The following RFC2 variants were observed in gnomAD, a reference collection of about 807,000 sequenced individuals.
The protein encoded by RFC2 is A1 40 kDa subunit.
Under a neutral mutation model 44.8 loss-of-function variants are expected in RFC2, and 34 were observed. That is an observed-to-expected ratio of 0.76 (90% CI 0.58 to 1.01). The LOEUF (loss-of-function observed/expected upper bound fraction) is 1.01, where lower values mean the gene tolerates loss of function less well. RFC2 is among the 50% of genes least tolerant of loss of function. RFC2 has a pLI of 0.00. For missense variants in RFC2, 400 were observed against 453.6 expected (o/e 0.88, Z 1.07); for synonymous variants, 177 against 168.9 (o/e 1.05, Z -0.37).
intron 5 of RFC2, among the ~76,000 whole-genome samples, chr7:74,244,176 G>C (rs1803480444): frequency 6.6e-6 from 1 of 151,394 alleles, no homozygotes; most frequent in African/African-American, 2.4e-5. Flanking sequence ...GCTGAGGCAG[G>C]AGAATCACTT....
chr7:74,233,812 T>C (rs1403793025), intron 10 of RFC2: 13 of 456,426 alleles, frequency 2.8e-5, no homozygotes, highest in Non-Finnish European at 4.4e-5. Flanking sequence ...GAGCACTCCA[T>C]GTGGTGGCTA....
In RFC2 at chr7:74,252,442, A is replaced by G. The variant is rs781795840; in HGVS notation, c.170T>C (p.Val57Ala). The change falls in exon 2 of 11, where the codon GTG (valine) becomes GCG (alanine). Residue 57 changes from valine (V) to alanine (A), a missense_variant. By Grantham distance (64) the Val-to-Ala change is moderately conservative. Transcript: ENST00000055077. Reference sequence around the variant, plus strand: ...AAAGCCACTCACCTCTAGCCTGCTCACGGTGTCTTCATTCCCGACAATTTC... The same window carrying G: ...AAAGCCACTCACCTCTAGCCTGCTCGCGGTGTCTTCATTCCCGACAATTTC... ...LNEIVGNEDTVSRLEVFAREG... is the reference protein window; with the variant it reads ...LNEIVGNEDTASRLEVFAREG... 6.2e-7 allele frequency: 1 copy of G among 1,600,840 alleles called. No individual in the cohort carries two copies. Among genetic ancestry groups the G allele is most frequent in the East Asian group, 2.2e-5 (1 of 44,768 alleles).
Position 74,254,367 on chromosome 7 carries a change from A to G in RFC2, c.17T>C (p.Val6Ala). 6.2e-7 allele frequency: 1 copy of G among 1,606,248 alleles called. No individual in the cohort carries two copies. The highest frequency in any genetic ancestry group is 8.5e-7 in the Non-Finnish European group (1 of 1,176,418). Reference sequence around the variant, plus strand: ...CTCCACCTCGCCCGCGCCACCACAGACGGCCTCCACCTCCATTCTCGCGCC... The same window carrying G: ...CTCCACCTCGCCCGCGCCACCACAGGCGGCCTCCACCTCCATTCTCGCGCC... Reference protein sequence around the residue: MEVEAVCGGAGEVEAQ... With the variant: MEVEAACGGAGEVEAQ... The change falls in exon 1 of 11, where the codon GTC (valine) becomes GCC (alanine). Residue 6 changes from valine (V) to alanine (A), a missense_variant. Coordinates refer to ENST00000055077, the MANE Select transcript of RFC2 (RefSeq NM_181471.3).
chr7:74,251,004 C>G (rs1349045189), intron 2 of RFC2, among the ~76,000 whole-genome samples: 1 of 152,166 alleles, frequency 6.6e-6, no homozygotes, highest in Non-Finnish European at 1.5e-5. Context: ...CCAGGCTGGT[C>G]GTGAACTCCT....
chr7:74,241,306 C>G (rs1285946941), intron 6 of RFC2, among the ~76,000 whole-genome samples: 1 of 152,080 alleles, frequency 6.6e-6, no homozygotes, highest in African/African-American at 2.4e-5. Flanking sequence ...TCTCATTAAA[C>G]TCCACGAGCT....
rs1385180319 is a variant in RFC2 at position 74,248,893 on chromosome 7, G to A, written c.332+119C>T. 5.6e-6 allele frequency: 4 copies of A among 710,112 alleles called. No homozygotes were observed. The East Asian group carries it at 1.0e-4, about 18-fold the overall frequency. The allele number at this position is 710,112 out of a possible 1,614,324, so 44.0% of individuals were successfully genotyped here. A position where few individuals can be genotyped will look rare whatever the true frequency, so the allele number is the denominator to read the frequency against. Reference sequence around the variant, plus strand: ...CAACGCTCTTTCACTGGGAAGGGGTGGAGGAAATCACATAGCTGGCAAGGC... The same window carrying A: ...CAACGCTCTTTCACTGGGAAGGGGTAGAGGAAATCACATAGCTGGCAAGGC... On this transcript the variant is annotated intron_variant, in intron 4 of 10. Coordinates refer to ENST00000055077, the MANE Select transcript of RFC2 (RefSeq NM_181471.3).
chr7:74,245,058 C>T (rs1205564389), intron 5 of RFC2, among the ~76,000 whole-genome samples: 2 of 137,596 alleles, frequency 1.5e-5, no homozygotes, highest in East Asian at 2.1e-4. Flanking sequence ...GATGGAGTTT[C>T]GCTCTTGTTG....
At chr7:74,245,514 C>T (rs1434254292) in intron 5 of RFC2, among the ~76,000 whole-genome samples, 1 of 141,796 alleles carries the variant, frequency 7.1e-6, no homozygotes, top group Admixed American at 7.2e-5. Context: ...AGATCAAGAC[C>T]ATCCTGGCTA....
chr7:74,249,734 C>T lies in RFC2; in HGVS notation c.225+5G>A, dbSNP rs781845584. 1 of 1,612,718 alleles carries T rather than the reference C, an allele frequency of 6.2e-7. No individual in the cohort carries two copies. Among genetic ancestry groups the T allele is most frequent in the Admixed American group, 1.7e-5 (1 of 59,994 alleles). ...CACTCAACAGGCCCAGGGCTGGGTA[C>T]TCACCGCAATGATGATGTTGGGCAC... On this transcript the variant is annotated splice_donor_5th_base_variant and intron_variant, in intron 3 of 10. Transcript: ENST00000055077.
intron 2 of RFC2, among the ~76,000 whole-genome samples, chr7:74,250,625 C>G (rs1029159684): frequency 1.3e-5 from 2 of 152,128 alleles, no homozygotes; most frequent in Non-Finnish European, 2.9e-5. Context: ...TCTCCAGCGT[C>G]CTTTACTTCT....
At chr7:74,248,349 A>C (rs574965685) in intron 4 of RFC2, among the ~76,000 whole-genome samples, 48 of 151,756 alleles carry the variant, frequency 3.2e-4, no homozygotes, top group African/African-American at 1.2e-3. Context: ...CACAAGAAAA[A>C]GCTGGCATGG....
chr7:74,254,297 G>A lies in RFC2; in HGVS notation c.87C>T (p.Gly29=), dbSNP rs1554721568. The stretch of plus-strand genomic sequence containing the variant: ...ACGGCAGTTCGTAGTGGCCGGCGCT[G>A]CCGGGGGCCTTGCTGAAGGCAGGGG... ...DPAPAFSKAP[G]SAGHYELPWV... is the part of the protein sequence containing the mutation. The change falls in exon 1 of 11, where the codon GGC becomes GGT. Residue 29 remains glycine (G), a synonymous_variant. Coordinates refer to ENST00000055077, the MANE Select transcript of RFC2 (RefSeq NM_181471.3). The A allele has an allele frequency of 6.2e-7, 1 of 1,612,658 alleles. No homozygotes were observed. The highest frequency in any genetic ancestry group is 8.5e-7 in the Non-Finnish European group (1 of 1,179,536).
chr7:74,237,242 T>G, intron 9 of RFC2, 120 bp downstream of exon 9: 1 of 639,718 alleles, frequency 1.6e-6, no homozygotes, highest in Non-Finnish European at 2.8e-6. Flanking sequence ...GTCTCCCAAG[T>G]AAGATTTCAA....
intron 10 of RFC2, among the ~76,000 whole-genome samples, chr7:74,234,430 CTA>C (rs1463539671): frequency 6.6e-6 from 1 of 152,094 alleles, no homozygotes; most frequent in Non-Finnish European, 1.5e-5. Context: ...GAATTTTACT[CTA>C]TGTAAATTAA....
At chr7:74,254,248 T>C in intron 1 of RFC2, 23 bp downstream of exon 1, 1 of 1,573,246 alleles carries the variant, frequency 6.4e-7, no homozygotes, top group Non-Finnish European at 8.7e-7. Context: ...AACGCGCCCA[T>C]TCTTTACGGC....
Position 74,254,331 on chromosome 7 carries a change from G to C in RFC2, c.53C>G (p.Ser18Cys). 2 of 1,612,278 alleles carry C rather than the reference G, an allele frequency of 1.2e-6. No individual in the cohort carries two copies. Among genetic ancestry groups the C allele is most frequent in the Non-Finnish European group, 1.7e-6 (2 of 1,179,544 alleles). Residue 18 changes from serine to cysteine, a missense_variant, in exon 1 of 11, where the codon TCT (serine) becomes TGT (cysteine). Transcript: ENST00000055077. ...GGAGEVEAQD[S>C]DPAPAFSKAP... The stretch of plus-strand genomic sequence containing the variant: ...CTTGCTGAAGGCAGGGGCAGGGTCA[G>C]AGTCCTGGGCCTCCACCTCGCCCGC...
chr7:74,243,989 G>A (rs1311240596), intron 5 of RFC2, among the ~76,000 whole-genome samples: 1 of 150,376 alleles, frequency 6.6e-6, no homozygotes, highest in Non-Finnish European at 1.5e-5. Flanking sequence ...AGTGGCTCAT[G>A]CCTGTAATCC....
In RFC2 at chr7:74,249,729, G is replaced by T. The variant is rs1554720730; in HGVS notation, c.225+10C>A. On this transcript the variant is annotated intron_variant, in intron 3 of 10. Transcript: ENST00000055077. ...GGAGACACTCAACAGGCCCAGGGCT[G>T]GGTACTCACCGCAATGATGATGTTG... 6.2e-7 allele frequency: 1 copy of T among 1,611,440 alleles called. No individual in the cohort carries two copies. The highest frequency in any genetic ancestry group is 1.7e-5 in the Admixed American group (1 of 59,976).
At chr7:74,239,068 G>A (rs1361546562) in intron 7 of RFC2, 80 bp from the exon 8 acceptor site, 10 of 1,165,790 alleles carry the variant, frequency 8.6e-6, no homozygotes, top group Middle Eastern at 3.9e-4. Context: ...TCGCTATGTT[G>A]CCCAGGCTGG....
Sources: allele counts gnomAD v4.1 joint callset (sites outside exome capture counted in the v4.1 genomes callset), GRCh38; gene constraint gnomAD v4.1.1; transcripts MANE v1.5; gene names NCBI Gene and HGNC (gene_info 2026-07-23, HGNC 2026-07-21).